Variants in MIPEP observed in about 807,000 individuals in gnomAD.
MIPEP encodes the protein mitochondrial intermediate peptidase.
MIPEP carries 79 observed loss-of-function variants against 90.3 expected under a neutral mutation model. The observed-to-expected ratio is 0.87, with a 90% confidence interval of 0.73 to 1.05. The LOEUF (loss-of-function observed/expected upper bound fraction) is 1.05, where lower values mean the gene tolerates loss of function less well. Among genes scored for constraint, MIPEP ranks in the 50% least tolerant of loss-of-function variants. The pLI, the probability that MIPEP is intolerant of heterozygous loss-of-function variation, is 0.00. For synonymous variants in MIPEP, 334 were observed against 315.8 expected (o/e 1.06, Z -0.61); for missense variants, 940 against 905.6 (o/e 1.04, Z -0.49).
At chr13:23,747,825 C>G (rs1310270047) in intron 18 of MIPEP, among the ~76,000 whole-genome samples, 1 of 152,222 alleles carries the variant, frequency 6.6e-6, no homozygotes, top group Non-Finnish European at 1.5e-5. Context: ...ACCACAACCT[C>G]TGCCTCCCGG....
intron 16 of MIPEP, among the ~76,000 whole-genome samples, chr13:23,780,199 C>A (rs963662344): frequency 3.9e-5 from 6 of 152,186 alleles, no homozygotes; most frequent in South Asian, 2.1e-4. Context: ...TTGGGAGGCA[C>A]CCCCCAGTAG....
intron 16 of MIPEP, among the ~76,000 whole-genome samples, chr13:23,797,614 A>G (rs562085563): frequency 6.6e-6 from 1 of 152,278 alleles, no homozygotes; most frequent in South Asian, 2.1e-4. Context: ...CTGCCTGGTC[A>G]TCTTGTTTCT....
intron 16 of MIPEP, among the ~76,000 whole-genome samples, chr13:23,770,896 T>C (rs1343213901): frequency 6.6e-6 from 1 of 152,230 alleles, no homozygotes; most frequent in Non-Finnish European, 1.5e-5. Flanking sequence ...GGGCCTGCCC[T>C]GTGTCTTGTG....
chr13:23,809,663 G>A (rs1045695750), intron 15 of MIPEP, among the ~76,000 whole-genome samples, 187 bp downstream of exon 15: 5 of 152,016 alleles, frequency 3.3e-5, no homozygotes, highest in Non-Finnish European at 5.9e-5. Flanking sequence ...TTTATTCAAC[G>A]CCTACTTCAT....
chr13:23,856,829 A>G (rs900808705), intron 10 of MIPEP, among the ~76,000 whole-genome samples: 5 of 152,136 alleles, frequency 3.3e-5, no homozygotes, highest in African/African-American at 1.2e-4. Flanking sequence ...TGAAAAAACT[A>G]TCACTTATAT....
At chr13:23,753,182 C>T (rs907776969) in intron 18 of MIPEP, among the ~76,000 whole-genome samples, 17 of 148,872 alleles carry the variant, frequency 1.1e-4, no homozygotes, top group Non-Finnish European at 1.6e-4. Flanking sequence ...GAGGGGAGAT[C>T]GTGCCACTGC....
chr13:23,756,757 G>T, intron 17 of MIPEP, 139 bp from the exon 18 acceptor site: 2 of 729,520 alleles, frequency 2.7e-6, no homozygotes, highest in Non-Finnish European at 4.4e-6. Flanking sequence ...CTATTTTCTT[G>T]CTTCTAAAAA....
intron 18 of MIPEP, 35 bp from the exon 19 acceptor site, chr13:23,730,480 C>G: frequency 2.9e-6 from 4 of 1,356,850 alleles, no homozygotes; most frequent in Non-Finnish European, 4.2e-6. Flanking sequence ...CTGCGTTCAC[C>G]AGGAGGCAAC....
chr13:23,760,055 T>C, intron 17 of MIPEP, 41 bp downstream of exon 17: 10 of 1,613,074 alleles, frequency 6.2e-6, no homozygotes, highest in Non-Finnish European at 8.5e-6. Flanking sequence ...GGGGAATTAC[T>C]GTGGTCCAAG....
At chr13:23,823,863 G>A (rs1446586938) in intron 14 of MIPEP, among the ~76,000 whole-genome samples, 1 of 152,126 alleles carries the variant, frequency 6.6e-6, no homozygotes, top group Non-Finnish European at 1.5e-5. Flanking sequence ...TTGGACAATA[G>A]ATCATATTGT....
chr13:23,775,109 C>CTGTGTGTGTGTGTGTGTG (rs57354012), intron 16 of MIPEP, among the ~76,000 whole-genome samples: 5 of 149,200 alleles, frequency 3.4e-5, no homozygotes, highest in South Asian at 4.3e-4. Flanking sequence ...TATCAGTTCT[C>CTGTGTGTGTGTGTGTGTG]TGTGTGTGTG....
rs528620179 is a variant in MIPEP at position 23,797,578 on chromosome 13, G to A, written c.1848+8372C>T. 1.2e-4 allele frequency among the ~76,000 whole-genome samples: 19 copies of A among 152,234 alleles called. No individual in the cohort carries two copies. In the South Asian group the frequency reaches 3.7e-3, roughly 30 times the overall value. On this transcript the variant is annotated intron_variant, in intron 16 of 18. Coordinates refer to ENST00000382172, the MANE Select transcript of MIPEP (RefSeq NM_005932.4). ...CACCCAGGTCTGTCTGCTGGCTGCC[G>A]TGAACCTCTAAAGCACTCCTCTATT...
chr13:23,763,255 G>A (rs559420367), intron 16 of MIPEP, among the ~76,000 whole-genome samples: 5 of 152,266 alleles, frequency 3.3e-5, no homozygotes, highest in South Asian at 2.1e-4. Flanking sequence ...AGCCTTTCTC[G>A]TATGAAGCAG....
intron 17 of MIPEP, among the ~76,000 whole-genome samples, chr13:23,757,681 G>A (rs887124859): frequency 1.2e-4 from 19 of 152,144 alleles, no homozygotes; most frequent in African/African-American, 4.3e-4. Context: ...GGTGATAAAG[G>A]CACAGTGGAG....
chr13:23,778,695 A>G (rs953141827), intron 16 of MIPEP, among the ~76,000 whole-genome samples: 8 of 124,592 alleles, frequency 6.4e-5, no homozygotes, highest in South Asian at 5.8e-4. Flanking sequence ...CAAGCTCTAC[A>G]TTATTTTATT....
Position 23,793,847 on chromosome 13 carries a change from C to A in MIPEP, c.1848+12103G>T, listed in dbSNP as rs1307191303. Among the ~76,000 whole-genome samples the A allele has an allele frequency of 1.3e-5, 2 of 151,850 alleles. 1 individual carries two copies. Among genetic ancestry groups the A allele is most frequent in the Non-Finnish European group, 2.9e-5 (2 of 67,994 alleles). ...GCAGCAGAAACAAGTGCCAAGACTC[C>A]AGTGCCAAAGGAAGCAGGCTGTGTC... On this transcript the variant is annotated intron_variant, in intron 16 of 18. Transcript: ENST00000382172.
intron 17 of MIPEP, 71 bp from the exon 18 acceptor site, chr13:23,756,689 A>G (rs1952494313): frequency 2.0e-6 from 3 of 1,465,044 alleles, no homozygotes; most frequent in Non-Finnish European, 2.8e-6. Context: ...TGAATTCTCA[A>G]AGAAAGCCAC....
chr13:23,866,115 G>T (rs1030353609), intron 7 of MIPEP, among the ~76,000 whole-genome samples: 1 of 152,070 alleles, frequency 6.6e-6, no homozygotes, highest in South Asian at 2.1e-4. Context: ...TCTTCCTTCT[G>T]CTCTGCTGAG....
intron 16 of MIPEP, among the ~76,000 whole-genome samples, chr13:23,767,899 C>T (rs1386233727): frequency 4.6e-5 from 7 of 152,010 alleles, no homozygotes; most frequent in Non-Finnish European, 7.4e-5. Flanking sequence ...CTTTTAGAAA[C>T]AGAATAATAC....
Sources: allele counts gnomAD v4.1 joint callset (sites outside exome capture counted in the v4.1 genomes callset), GRCh38; gene constraint gnomAD v4.1.1; transcripts MANE v1.5; gene names NCBI Gene and HGNC (gene_info 2026-07-23, HGNC 2026-07-21).